HPSE2: variants seen among roughly 807,000 people sequenced by gnomAD.
HPSE2 encodes inactive heparanase-2.
Under a neutral mutation model 60.5 loss-of-function variants are expected in HPSE2, and 38 were observed. The observed-to-expected ratio is 0.63, with a 90% CI of 0.48 to 0.82. The LOEUF (loss-of-function observed/expected upper bound fraction) is 0.82. Ranked by LOEUF, HPSE2 falls within the 40% of genes least tolerant of loss-of-function variation. HPSE2 has a pLI of 0.00. For missense variants in HPSE2, 713 were observed against 740.4 expected (o/e 0.96, Z 0.43); for synonymous variants, 295 against 293.2 (o/e 1.01, Z -0.06).
At chr10:98,677,033 G>A (rs904515773) in intron 6 of HPSE2, among the ~76,000 whole-genome samples, 1 of 151,848 alleles carries the variant, frequency 6.6e-6, no homozygotes, top group African/African-American at 2.4e-5. Context: ...TGGGGCCCAT[G>A]AGAATTTTCT....
At chr10:99,006,010 G>A (rs892408576) in intron 3 of HPSE2, among the ~76,000 whole-genome samples, 1 of 152,150 alleles carries the variant, frequency 6.6e-6, no homozygotes, top group Non-Finnish European at 1.5e-5. Context: ...CTGTTGATTG[G>A]TTCCTCAGGA....
intron 6 of HPSE2, among the ~76,000 whole-genome samples, chr10:98,683,314 G>A (rs764113365): frequency 2.7e-5 from 4 of 150,942 alleles, no homozygotes; most frequent in Non-Finnish European, 5.9e-5. Context: ...ATAGGGAGAA[G>A]AGGGAAGGAC....
At chr10:99,118,294 T>C (rs765308918) in intron 3 of HPSE2, among the ~76,000 whole-genome samples, 1 of 151,774 alleles carries the variant, frequency 6.6e-6, no homozygotes, top group Non-Finnish European at 1.5e-5. Context: ...GAGGCCAAGG[T>C]GGGTGGATCA....
At chr10:99,303,575 C>G in the HPSE2 span, among the ~76,000 whole-genome samples, 2 of 152,180 alleles carry the variant, frequency 1.3e-5, no homozygotes, top group Non-Finnish European at 2.9e-5. Flanking sequence ...ATTGAGTACC[C>G]ACACTACTGT....
intron 3 of HPSE2, among the ~76,000 whole-genome samples, chr10:99,116,309 T>C (rs1390234207): frequency 6.6e-6 from 1 of 152,190 alleles, no homozygotes; most frequent in Non-Finnish European, 1.5e-5. Flanking sequence ...TGCACATTTC[T>C]GCACCAAGGG....
At chr10:98,468,264 G>T (rs1447604631) in intron 11 of HPSE2, among the ~76,000 whole-genome samples, 1 of 152,178 alleles carries the variant, frequency 6.6e-6, no homozygotes, top group Non-Finnish European at 1.5e-5. Context: ...TGGCTACCAC[G>T]CTGAGGAAGG....
At chr10:98,895,460 C>T (rs944316904) in intron 3 of HPSE2, among the ~76,000 whole-genome samples, 10 of 152,068 alleles carry the variant, frequency 6.6e-5, no homozygotes, top group African/African-American at 2.2e-4. Context: ...ATTATTTCAC[C>T]TCATCAGGTC....
At chr10:98,911,865 G>A (rs760450564) in intron 3 of HPSE2, among the ~76,000 whole-genome samples, 1 of 152,104 alleles carries the variant, frequency 6.6e-6, no homozygotes, top group Non-Finnish European at 1.5e-5. Context: ...TTTTAGAATC[G>A]ATGGATATGG....
chr10:98,739,288 C>A (rs1245005081), intron 4 of HPSE2, among the ~76,000 whole-genome samples: 1 of 151,846 alleles, frequency 6.6e-6, no homozygotes, highest in African/African-American at 2.4e-5. Context: ...CATATGGGCA[C>A]AGGGAGGGAA....
chr10:98,664,006 C>A (rs1395831764), intron 6 of HPSE2, among the ~76,000 whole-genome samples: 7 of 152,124 alleles, frequency 4.6e-5, no homozygotes, highest in Admixed American at 4.6e-4. Context: ...TCCACCCACC[C>A]CTGCTGCTTC....
chr10:98,871,885 T>G (rs1472405505), intron 3 of HPSE2, among the ~76,000 whole-genome samples: 1 of 152,100 alleles, frequency 6.6e-6, no homozygotes, highest in African/African-American at 2.4e-5. Flanking sequence ...CAATAGAAGT[T>G]GAACCTTGAA....
chr10:98,948,683 G>A (rs527394288), intron 3 of HPSE2, among the ~76,000 whole-genome samples: 9 of 152,064 alleles, frequency 5.9e-5, no homozygotes, highest in South Asian at 2.1e-4. Context: ...GTTACAAGAC[G>A]TGTGCCTGCC....
chr10:99,258,072 C>T, the HPSE2 span, among the ~76,000 whole-genome samples: 74,876 of 151,388 alleles, frequency 0.49, 21,662 homozygotes, highest in Non-Finnish European at 0.64. Flanking sequence ...ACCCAGAAGG[C>T]GGAGGTTGCA....
chr10:98,600,911 G>GTATATATATATATA (rs71007402), intron 9 of HPSE2, among the ~76,000 whole-genome samples: 86 of 73,702 alleles, frequency 1.2e-3, no homozygotes, highest in Admixed American at 2.9e-3. Flanking sequence ...ATGTGTGTGT[G>GTATATATATATATA]TATATATATA....
intron 3 of HPSE2, among the ~76,000 whole-genome samples, chr10:99,122,939 C>G (rs1389388661): frequency 1.3e-5 from 2 of 151,916 alleles, no homozygotes; most frequent in Non-Finnish European, 2.9e-5. Flanking sequence ...AGGAAAATGA[C>G]AGAAAACAGA....
intron 4 of HPSE2, among the ~76,000 whole-genome samples, chr10:98,736,121 T>A (rs1309437883): frequency 6.6e-6 from 1 of 152,106 alleles, no homozygotes. Flanking sequence ...GATAATTGAA[T>A]CATGGGGTCA....
At chr10:98,596,152 C>T (rs1945230408) in intron 9 of HPSE2, among the ~76,000 whole-genome samples, 1 of 152,018 alleles carries the variant, frequency 6.6e-6, no homozygotes, top group Non-Finnish European at 1.5e-5. Flanking sequence ...GAATATTGGC[C>T]TATATTTTCC....
At chr10:98,800,494 A>G (rs1950881284) in intron 3 of HPSE2, among the ~76,000 whole-genome samples, 1 of 148,122 alleles carries the variant, frequency 6.8e-6, no homozygotes, top group South Asian at 2.1e-4. Flanking sequence ...TATACAATAT[A>G]TAAATATAAC....
chr10:99,090,634 C>T (rs1050998793), intron 3 of HPSE2, among the ~76,000 whole-genome samples: 1 of 152,110 alleles, frequency 6.6e-6, no homozygotes, highest in South Asian at 2.1e-4. Flanking sequence ...TATTTTGACA[C>T]AGTAATCAAA....
Sources: allele counts gnomAD v4.1 joint callset (sites outside exome capture counted in the v4.1 genomes callset), GRCh38; gene constraint gnomAD v4.1.1; transcripts MANE v1.5; gene names NCBI Gene and HGNC (gene_info 2026-07-23, HGNC 2026-07-21).